Variants in GALNT7 observed in about 807,000 individuals in gnomAD.
The protein encoded by GALNT7 is polypeptide N-acetylgalactosaminyltransferase 7, also known as N-acetylgalactosaminyltransferase 7.
Under a neutral mutation model 82.1 loss-of-function variants are expected in GALNT7, and 60 were observed. The ratio of observed to expected loss-of-function variants is 0.73; its 90% CI spans 0.59 to 0.91. The LOEUF (loss-of-function observed/expected upper bound fraction) is 0.91. Ranked by LOEUF, GALNT7 falls within the 40% of genes least tolerant of loss-of-function variation. The pLI, the probability that GALNT7 is intolerant of heterozygous loss-of-function variation, is 0.00. For missense variants in GALNT7, 660 were observed against 804.2 expected (o/e 0.82, Z 2.17); for synonymous variants, 243 against 275.1 (o/e 0.88, Z 1.15).
intron 2 of GALNT7, among the ~76,000 whole-genome samples, chr4:173,268,753 A>T (rs1430810355): frequency 6.7e-6 from 1 of 149,332 alleles, no homozygotes; most frequent in Non-Finnish European, 1.5e-5. Context: ...GTTAGCCAGG[A>T]TGGTCTCAAT....
intron 1 of GALNT7, 143 bp from the exon 2 acceptor site, chr4:173,247,837 A>T: frequency 1.7e-6 from 1 of 586,900 alleles, no homozygotes; most frequent in Non-Finnish European, 3.0e-6. Context: ...CCTAATGGGA[A>T]GTCCTGATTA....
chr4:173,225,858 C>G (rs140204746), intron 1 of GALNT7, among the ~76,000 whole-genome samples: 9 of 152,318 alleles, frequency 5.9e-5, no homozygotes, highest in African/African-American at 2.2e-4. Context: ...CAACCACAAC[C>G]ACTCAGTGAA....
intron 1 of GALNT7, among the ~76,000 whole-genome samples, chr4:173,190,236 T>C (rs1036767792): frequency 6.6e-6 from 1 of 152,164 alleles, no homozygotes; most frequent in East Asian, 1.9e-4. Flanking sequence ...TTTACTACCA[T>C]GTCCACATTG....
chr4:173,315,351 T>C (rs999813313), intron 9 of GALNT7, among the ~76,000 whole-genome samples: 2 of 152,158 alleles, frequency 1.3e-5, no homozygotes, highest in African/African-American at 4.8e-5. Flanking sequence ...GTTGGTGTTC[T>C]GGGCATGTGA....
chr4:173,185,037 T>C (rs1428817970), intron 1 of GALNT7, among the ~76,000 whole-genome samples: 1 of 152,248 alleles, frequency 6.6e-6, no homozygotes, highest in East Asian at 1.9e-4. Context: ...AGTACTGATA[T>C]TCCTGTTTGT....
intron 1 of GALNT7, among the ~76,000 whole-genome samples, chr4:173,186,526 A>G (rs539317615): frequency 2.0e-5 from 3 of 152,314 alleles, no homozygotes; most frequent in African/African-American, 7.2e-5. Context: ...ACTTTTATAC[A>G]TACTGTTTTT....
chr4:173,234,641 C>T (rs1734153778), intron 1 of GALNT7, among the ~76,000 whole-genome samples: 1 of 152,110 alleles, frequency 6.6e-6, no homozygotes, highest in Non-Finnish European at 1.5e-5. Flanking sequence ...ATGTCTGTCC[C>T]CTCAAACCTC....
chr4:173,264,244 A>G (rs866161061), intron 2 of GALNT7, among the ~76,000 whole-genome samples: 14 of 152,214 alleles, frequency 9.2e-5, no homozygotes, highest in African/African-American at 3.4e-4. Flanking sequence ...TATATAATGG[A>G]ATCAGAAGAA....
At chr4:173,209,087 T>C (rs190030235) in intron 1 of GALNT7, among the ~76,000 whole-genome samples, 47 of 152,340 alleles carry the variant, frequency 3.1e-4, no homozygotes, top group African/African-American at 8.7e-4. Flanking sequence ...TTCTTACATA[T>C]ATTTGTGCCC....
intron 2 of GALNT7, among the ~76,000 whole-genome samples, chr4:173,266,214 A>G (rs1022295304): frequency 1.3e-5 from 2 of 152,152 alleles, no homozygotes; most frequent in Non-Finnish European, 1.5e-5. Flanking sequence ...GAGCTGAGAT[A>G]GCACCACTGT....
intron 1 of GALNT7, among the ~76,000 whole-genome samples, chr4:173,221,670 G>T (rs1017929110): frequency 1.3e-5 from 2 of 152,084 alleles, no homozygotes; most frequent in Admixed American, 6.5e-5. Flanking sequence ...TATTTCAATA[G>T]TATTATCTAT....
intron 1 of GALNT7, among the ~76,000 whole-genome samples, chr4:173,218,048 G>C (rs185147354): frequency 1.2e-3 from 178 of 152,276 alleles, no homozygotes; most frequent in Admixed American, 5.6e-3. Context: ...GTTAAATTTT[G>C]TCTTGGCTTC....
At chr4:173,307,725 G>A (rs532477394) in intron 8 of GALNT7, among the ~76,000 whole-genome samples, 1 of 152,230 alleles carries the variant, frequency 6.6e-6, no homozygotes, top group African/African-American at 2.4e-5. Context: ...CTATAGCAAT[G>A]GTTCTAGTGT....
chr4:173,288,282 C>CAAAAAAAAAAAAAAAAAAAAA (rs70944442), intron 2 of GALNT7, among the ~76,000 whole-genome samples: 14 of 62,972 alleles, frequency 2.2e-4, no homozygotes, highest in African/African-American at 1.0e-3. Context: ...GACTCCATCT[C>CAAAAAAAAAAAAAAAAAAAAA]AAAAAAAAAA....
intron 1 of GALNT7, among the ~76,000 whole-genome samples, chr4:173,188,230 A>C (rs1295202649): frequency 6.6e-6 from 1 of 152,228 alleles, no homozygotes; most frequent in Non-Finnish European, 1.5e-5. Flanking sequence ...AGAGAAGTTA[A>C]ATTACCTTGC....
chr4:173,293,471 T>G (rs971919077), intron 3 of GALNT7, among the ~76,000 whole-genome samples: 4 of 152,208 alleles, frequency 2.6e-5, no homozygotes, highest in African/African-American at 9.7e-5. Flanking sequence ...ACTGTTTGGT[T>G]AATCAGACTT....
chr4:173,169,188 C>G (rs896617742), intron 1 of GALNT7: 1 of 179,392 alleles, frequency 5.6e-6, no homozygotes, highest in Non-Finnish European at 1.1e-5. Context: ...CGCTCTTCCC[C>G]GCCCCGGGCT....
In GALNT7 at chr4:173,220,808, A is replaced by G. The variant is rs1419752438; in HGVS notation, c.127-27172A>G. Among the ~76,000 whole-genome samples the G allele has an allele frequency of 2.0e-5, 3 of 152,044 alleles. No individual in the cohort carries two copies. The East Asian group carries it at 5.8e-4, about 29-fold the overall frequency. ...AGAATGATAATTTCCAACTTCATCCATGTCCCTACAAAGGACGTGAACTCA... is the reference window on the plus strand; with the variant it reads ...AGAATGATAATTTCCAACTTCATCCGTGTCCCTACAAAGGACGTGAACTCA... On this transcript the variant is annotated intron_variant, in intron 1 of 11. Coordinates refer to ENST00000265000, the MANE Select transcript of GALNT7 (RefSeq NM_017423.3).
chr4:173,187,164 C>A (rs1033248939), intron 1 of GALNT7, among the ~76,000 whole-genome samples: 3 of 152,104 alleles, frequency 2.0e-5, no homozygotes, highest in African/African-American at 7.2e-5. Flanking sequence ...ACAACCCATC[C>A]TATCCAAAGA....
Sources: gnomAD v4.1 joint callset for allele counts (sites outside exome capture counted in the v4.1 genomes callset) on GRCh38, gnomAD v4.1.1 for gene constraint, MANE v1.5 for transcripts, NCBI Gene and HGNC (gene_info 2026-07-23, HGNC 2026-07-21) for gene names.